The following SAMD5 variants were observed in gnomAD, a reference collection of about 807,000 sequenced individuals.
SAMD5 encodes the protein sterile alpha motif domain containing 5, also known as sterile alpha motif domain-containing protein 5.
Under a neutral mutation model 11.3 loss-of-function variants are expected in SAMD5, and 13 were observed. The observed-to-expected ratio is 1.15, with a 90% CI of 0.75 to 1.83. The LOEUF is 1.83. Among genes scored for constraint, SAMD5 ranks in the 40% most tolerant of loss-of-function variants. The pLI is 0.00. For missense variants in SAMD5, 255 were observed against 239.1 expected (o/e 1.07, Z -0.44); for synonymous variants, 129 against 111.3 (o/e 1.16, Z -1.00).
chr6:147,536,866 A>G (rs1023043093), intron 1 of SAMD5, among the ~76,000 whole-genome samples: 12 of 152,260 alleles, frequency 7.9e-5, no homozygotes, highest in African/African-American at 2.9e-4. Context: ...CTTTTATTTG[A>G]ACAGGTTTTT....
the SAMD5 span, among the ~76,000 whole-genome samples, chr6:147,940,542 A>C: frequency 4.1e-3 from 619 of 152,264 alleles, 3 homozygotes; most frequent in African/African-American, 0.014. Context: ...ATCTTGGGAA[A>C]ATTTTATGAC....
chr6:147,857,805 G>A, the SAMD5 span, among the ~76,000 whole-genome samples: 1 of 152,060 alleles, frequency 6.6e-6, no homozygotes, highest in Admixed American at 6.5e-5. Flanking sequence ...CATAAAATCG[G>A]TAAAATAATA....
intron 1 of SAMD5, among the ~76,000 whole-genome samples, chr6:147,579,454 ATTTTTTTTTTTTTTT>A (rs3031353): frequency 2.6e-5 from 2 of 76,918 alleles, no homozygotes; most frequent in East Asian, 4.3e-4. Flanking sequence ...CAGGCTTTGA[ATTTTTTTTTTTTTTT>A]TTTTTTTTTT....
chr6:147,674,474 A>G (rs754810050), intron 1 of SAMD5, among the ~76,000 whole-genome samples: 2 of 152,068 alleles, frequency 1.3e-5, no homozygotes, highest in Non-Finnish European at 2.9e-5. Context: ...TTTTTTTCTC[A>G]CTAAAATCTG....
chr6:147,603,218 T>C (rs1005297759), intron 1 of SAMD5, among the ~76,000 whole-genome samples: 6 of 152,082 alleles, frequency 3.9e-5, no homozygotes, highest in Non-Finnish European at 1.5e-5. Context: ...TTAAATTGAG[T>C]TTCGGGGACA....
intron 1 of SAMD5, among the ~76,000 whole-genome samples, chr6:147,601,898 G>A (rs766889788): frequency 2.0e-5 from 3 of 152,264 alleles, no homozygotes; most frequent in South Asian, 2.1e-4. Context: ...TTCATATTTC[G>A]TGAAAGCTAT....
the SAMD5 span, among the ~76,000 whole-genome samples, chr6:147,803,296 A>G: frequency 6.6e-6 from 1 of 152,056 alleles, no homozygotes; most frequent in Admixed American, 6.6e-5. Flanking sequence ...CAGTCATTTA[A>G]AAGATCCTGA....
chr6:147,616,288 C>CA lies in SAMD5; in HGVS notation c.162+106901_162+106902insA, dbSNP rs1562334372. Among the ~76,000 whole-genome samples, 2 of 103,558 alleles carry CA rather than the reference C, an allele frequency of 1.9e-5. 1 individual carries two copies. The highest frequency in any genetic ancestry group is 1.6e-4 in the African/African-American group (2 of 12,854). The allele number at this position is 103,558 out of a possible 152,430, so 67.9% of individuals were successfully genotyped here. A position where few individuals can be genotyped will look rare whatever the true frequency, so the allele number is the denominator to read the frequency against. On this transcript the variant is annotated intron_variant, in intron 1 of 1. Transcript: ENST00000566741. ...TTTCATATATATTTATTCATATATA[C>CA]TTCATATATATTTCATATATATTTA...
At chr6:147,576,883 C>T (rs1789225129) in intron 1 of SAMD5, among the ~76,000 whole-genome samples, 1 of 152,214 alleles carries the variant, frequency 6.6e-6, no homozygotes, top group African/African-American at 2.4e-5. Flanking sequence ...TTTTATCCTC[C>T]ATTCCCCAAG....
the SAMD5 span, among the ~76,000 whole-genome samples, chr6:147,743,484 C>G: frequency 6.7e-6 from 1 of 149,906 alleles, no homozygotes; most frequent in African/African-American, 2.5e-5. Flanking sequence ...GCCTGGGCAA[C>G]AGAGCGAGAC....
intron 1 of SAMD5, among the ~76,000 whole-genome samples, chr6:147,549,778 C>G (rs1467611204): frequency 5.3e-5 from 8 of 151,906 alleles, no homozygotes; most frequent in South Asian, 4.2e-4. Flanking sequence ...CATTATCCAC[C>G]ACCGGAGCAA....
At chr6:147,607,690 A>G (rs1440718333) in intron 1 of SAMD5, among the ~76,000 whole-genome samples, 1 of 152,234 alleles carries the variant, frequency 6.6e-6, no homozygotes, top group East Asian at 1.9e-4. Flanking sequence ...TGAAACCACT[A>G]CAAGAAAACA....
At chr6:147,796,610 A>T in the SAMD5 span, among the ~76,000 whole-genome samples, 1 of 152,174 alleles carries the variant, frequency 6.6e-6, no homozygotes, top group African/African-American at 2.4e-5. Flanking sequence ...GAAGAAAGTC[A>T]TTGGTAGCTT....
In SAMD5 at chr6:147,734,693, G is replaced by A. The variant is rs557908235; in HGVS notation, c.163-2624G>A. Among the ~76,000 whole-genome samples, 19 of 107,952 alleles carry A rather than the reference G, an allele frequency of 1.8e-4. No homozygotes were observed. The South Asian group carries it at 3.0e-3, about 17-fold the overall frequency. The allele number at this position is 107,952 out of a possible 152,430, so 70.8% of individuals were successfully genotyped here. A position where few individuals can be genotyped will look rare whatever the true frequency, so the allele number is the denominator to read the frequency against. On this transcript the variant is annotated intron_variant, in intron 1 of 1. Coordinates refer to the SAMD5 transcript ENST00000566741. ...GTGCCACTGCACTCCAGCCTGGGCG[G>A]CAGAGCGAGACTCCATCTAAAAAAA...
At chr6:147,594,669 A>G (rs982141244) in intron 1 of SAMD5, among the ~76,000 whole-genome samples, 2 of 152,202 alleles carry the variant, frequency 1.3e-5, no homozygotes, top group Non-Finnish European at 2.9e-5. Context: ...TTCAGGGCCC[A>G]TTCAAACTAC....
intron 1 of SAMD5, among the ~76,000 whole-genome samples, chr6:147,513,702 T>TCTA (rs1385461121): frequency 6.6e-6 from 1 of 152,038 alleles, no homozygotes; most frequent in East Asian, 1.9e-4. Context: ...AAAGGTAAGC[T>TCTA]CTAGGGTCAA....
At chr6:147,583,582 G>A (rs912748939) in intron 1 of SAMD5, among the ~76,000 whole-genome samples, 3 of 152,102 alleles carry the variant, frequency 2.0e-5, no homozygotes, top group Admixed American at 6.6e-5. Flanking sequence ...GCCTGGACCA[G>A]CATATTAAAT....
At chr6:147,731,408 C>T (rs910388324) in intron 1 of SAMD5, among the ~76,000 whole-genome samples, 2 of 152,148 alleles carry the variant, frequency 1.3e-5, no homozygotes, top group Non-Finnish European at 2.9e-5. Context: ...TCTTTATAAC[C>T]TGTTAACTCA....
intron 1 of SAMD5, among the ~76,000 whole-genome samples, chr6:147,640,497 C>CAAAAAAAAAAA (rs1172694444): frequency 2.9e-4 from 7 of 24,192 alleles, no homozygotes; most frequent in African/African-American, 4.2e-4. Flanking sequence ...GACTCTGTCG[C>CAAAAAAAAAAA]AAAAAAAAAA....
Sources: allele counts gnomAD v4.1 joint callset (sites outside exome capture counted in the v4.1 genomes callset), GRCh38; gene constraint gnomAD v4.1.1; transcripts MANE v1.5; gene names NCBI Gene and HGNC (gene_info 2026-07-23, HGNC 2026-07-21).